Variants in TMEM132D observed in about 807,000 individuals in gnomAD.
TMEM132D encodes mature OL transmembrane protein.
In TMEM132D, 21 loss-of-function variants were observed where a neutral mutation model predicts 62.3. That is an observed-to-expected ratio of 0.34 (90% CI 0.24 to 0.49). The LOEUF (loss-of-function observed/expected upper bound fraction) is 0.49. Among genes scored for constraint, TMEM132D ranks in the 20% least tolerant of loss-of-function variants. The probability of loss-of-function intolerance (pLI) is 0.99; values close to 1 mark genes in which losing one functional copy is unlikely to be tolerated. For synonymous variants in TMEM132D, 621 were observed against 575.6 expected, an observed-to-expected ratio of 1.08 and a Z score of -1.13; for missense variants, 1,346 against 1,402.8, an observed-to-expected ratio of 0.96 and a Z score of 0.65.
Position 129,078,596 on chromosome 12 carries a change from C to T in TMEM132D, c.2053G>A (p.Gly685Arg), listed in dbSNP as rs2135611135. The T allele has an allele frequency of 6.2e-7, 1 of 1,614,184 alleles. No homozygotes were observed. Among genetic ancestry groups the T allele is most frequent in the Non-Finnish European group, 8.5e-7 (1 of 1,180,050 alleles). The change falls in exon 8 of 9, where the codon GGA (glycine) becomes AGA (arginine). Residue 685 changes from glycine to arginine, a missense_variant. Physicochemically the swap from Gly to Arg is moderately radical, Grantham distance 125. Coordinates refer to ENST00000422113, the MANE Select transcript of TMEM132D (RefSeq NM_133448.3). ...GTGGCAAAGATGGCCCTGTTGCTTC[C>T]TGGGCTGAGCTGCAAGGAGAGTGAC... ...GLSLSLQLSP[G>R]SNRAIFATAV...
intron 5 of TMEM132D, among the ~76,000 whole-genome samples, chr12:129,091,977 C>T (rs1387716150): frequency 2.6e-5 from 4 of 152,294 alleles, no homozygotes; most frequent in South Asian, 2.1e-4. Context: ...CTAGGTGAGC[C>T]GGCAAGATCT....
chr12:129,185,598 C>T (rs1425138106), intron 5 of TMEM132D, among the ~76,000 whole-genome samples: 2 of 151,876 alleles, frequency 1.3e-5, no homozygotes, highest in African/African-American at 4.8e-5. Flanking sequence ...ATCTGACCTA[C>T]AGAACAATAG....
intron 4 of TMEM132D, among the ~76,000 whole-genome samples, chr12:129,213,475 C>T (rs1197480970): frequency 6.6e-6 from 1 of 151,738 alleles, no homozygotes; most frequent in Non-Finnish European, 1.5e-5. Flanking sequence ...ACAGCCTGGG[C>T]AACAGAGCGA....
chr12:129,312,004 A>G (rs1243779622), intron 4 of TMEM132D, among the ~76,000 whole-genome samples: 1 of 152,232 alleles, frequency 6.6e-6, no homozygotes, highest in Non-Finnish European at 1.5e-5. Flanking sequence ...CAGCAGAAAA[A>G]AAGGCTATGT....
intron 3 of TMEM132D, among the ~76,000 whole-genome samples, chr12:129,463,725 T>C (rs1274372789): frequency 1.3e-5 from 2 of 151,390 alleles, no homozygotes; most frequent in Admixed American, 1.3e-4. Context: ...ACATGCGGTG[T>C]TCGGTTTTTT....
chr12:129,698,790 G>A (rs1323519935), intron 2 of TMEM132D, among the ~76,000 whole-genome samples: 3 of 148,840 alleles, frequency 2.0e-5, no homozygotes, highest in African/African-American at 5.0e-5. Context: ...AGAAAGAGAG[G>A]GAGAAAGAAA....
intron 3 of TMEM132D, among the ~76,000 whole-genome samples, chr12:129,390,045 C>T (rs565931755): frequency 1.1e-4 from 16 of 152,274 alleles, no homozygotes; most frequent in South Asian, 8.3e-4. Flanking sequence ...CATCCTGTCA[C>T]GGGACCAGCT....
intron 4 of TMEM132D, among the ~76,000 whole-genome samples, chr12:129,292,770 A>G (rs1297282663): frequency 8.5e-5 from 13 of 152,220 alleles, no homozygotes. Flanking sequence ...GCGTGGGATG[A>G]GATTTGAGAA....
intron 3 of TMEM132D, among the ~76,000 whole-genome samples, chr12:129,358,045 G>T (rs10847836): frequency 0.31 from 46,813 of 151,980 alleles, 7,898 homozygotes; most frequent in Middle Eastern, 0.41. Context: ...AGTCAAATAT[G>T]CATGATCCTT....
intron 1 of TMEM132D, among the ~76,000 whole-genome samples, chr12:129,761,222 C>A (rs1420763938): frequency 2.6e-5 from 4 of 152,088 alleles, no homozygotes; most frequent in Non-Finnish European, 5.9e-5. Context: ...TTCAATGTCT[C>A]GGTCACCATC....
At chr12:129,327,610 A>G (rs1404873675) in intron 4 of TMEM132D, among the ~76,000 whole-genome samples, 1 of 151,800 alleles carries the variant, frequency 6.6e-6, no homozygotes, top group Non-Finnish European at 1.5e-5. Flanking sequence ...GTTCAAACAC[A>G]CTCCTTGTCC....
intron 2 of TMEM132D, among the ~76,000 whole-genome samples, chr12:129,666,227 C>A (rs540041088): frequency 9.3e-4 from 142 of 152,242 alleles, no homozygotes; most frequent in Non-Finnish European, 1.6e-3. Flanking sequence ...AGGGCTCCAC[C>A]CTGAGCCAGT....
At chr12:129,452,222 C>T (rs905965229) in intron 3 of TMEM132D, among the ~76,000 whole-genome samples, 7 of 152,130 alleles carry the variant, frequency 4.6e-5, no homozygotes, top group African/African-American at 9.7e-5. Flanking sequence ...TGCGTAATAG[C>T]GCCTGTCTTG....
intron 2 of TMEM132D, among the ~76,000 whole-genome samples, chr12:129,607,860 C>T (rs771389734): frequency 2.0e-5 from 3 of 152,234 alleles, no homozygotes; most frequent in African/African-American, 4.8e-5. Context: ...GGCATAAATC[C>T]AGCTTTTAAT....
chr12:129,328,038 T>C (rs1182158056), intron 4 of TMEM132D, among the ~76,000 whole-genome samples: 1 of 152,120 alleles, frequency 6.6e-6, no homozygotes, highest in Non-Finnish European at 1.5e-5. Flanking sequence ...CGGCACCCAC[T>C]TTTCCTTCTG....
chr12:129,206,706 T>C lies in TMEM132D; in HGVS notation c.1443+2814A>G, dbSNP rs190300371. ...AGCAAAGACATGAAATTAACCTAAA[T>C]GGCCATCAGTGCTAGACTGGATAAA... On this transcript the variant is annotated intron_variant, in intron 5 of 8. Transcript: ENST00000422113. Among the ~76,000 whole-genome samples the C allele has an allele frequency of 2.4e-3, 371 of 152,270 alleles. 2 individuals carry two copies. The highest frequency in any genetic ancestry group is 8.6e-3 in the African/African-American group (356 of 41,570).
At chr12:129,588,134 G>C (rs1402742280) in intron 2 of TMEM132D, among the ~76,000 whole-genome samples, 1 of 152,186 alleles carries the variant, frequency 6.6e-6, no homozygotes, top group Non-Finnish European at 1.5e-5. Flanking sequence ...AAAAATGCTT[G>C]TGATTTCTGT....
chr12:129,661,175 G>A (rs977162130), intron 2 of TMEM132D, among the ~76,000 whole-genome samples: 7 of 152,024 alleles, frequency 4.6e-5, no homozygotes, highest in Admixed American at 2.6e-4. Context: ...CTGGGCTAAC[G>A]GGACCTCCCA....
chr12:129,152,808 A>C (rs1014994354), intron 5 of TMEM132D, among the ~76,000 whole-genome samples: 1 of 152,164 alleles, frequency 6.6e-6, no homozygotes, highest in African/African-American at 2.4e-5. Context: ...AGGCTCTGCA[A>C]ACCGTTTCCC....
Sources: gnomAD v4.1 joint callset for allele counts (sites outside exome capture counted in the v4.1 genomes callset) on GRCh38, gnomAD v4.1.1 for gene constraint, MANE v1.5 for transcripts, NCBI Gene and HGNC (gene_info 2026-07-23, HGNC 2026-07-21) for gene names.